GALNT6: variants seen among roughly 807,000 people sequenced by gnomAD.
The protein encoded by GALNT6 is polypeptide N-acetylgalactosaminyltransferase 6.
In GALNT6, 51 loss-of-function variants were observed where a neutral mutation model predicts 65.9. The ratio of observed to expected loss-of-function variants is 0.77; its 90% CI spans 0.62 to 0.98. The LOEUF is 0.98. Among genes scored for constraint, GALNT6 ranks in the 50% least tolerant of loss-of-function variants. The probability of loss-of-function intolerance (pLI) is 0.00; values close to 1 mark genes in which losing one functional copy is unlikely to be tolerated. For synonymous variants in GALNT6, 323 were observed against 315.1 expected, an observed-to-expected ratio of 1.02 and a Z score of -0.26; for missense variants, 708 against 803.3, an observed-to-expected ratio of 0.88 and a Z score of 1.43.
intron 6 of GALNT6, among the ~76,000 whole-genome samples, 186 bp downstream of exon 6, chr12:51,363,935 C>T (rs1311610089): frequency 2.0e-5 from 3 of 152,186 alleles, no homozygotes; most frequent in Non-Finnish European, 4.4e-5. Context: ...GATCTTAGGT[C>T]AGTGTTTATC....
chr12:51,368,702 C>T (rs553745372), intron 4 of GALNT6, among the ~76,000 whole-genome samples: 4 of 151,262 alleles, frequency 2.6e-5, no homozygotes, highest in South Asian at 2.1e-4. Flanking sequence ...CACTACGCCC[C>T]GCCCACTTTT....
chr12:51,369,391 C>T (rs1947217236), intron 4 of GALNT6, among the ~76,000 whole-genome samples: 1 of 152,180 alleles, frequency 6.6e-6, no homozygotes, highest in South Asian at 2.1e-4. Context: ...ACTGGACAGA[C>T]CCAGAACTGA....
intron 2 of GALNT6, among the ~76,000 whole-genome samples, chr12:51,390,517 G>T (rs1948033105): frequency 6.6e-6 from 1 of 152,204 alleles, no homozygotes; most frequent in Non-Finnish European, 1.5e-5. Context: ...ATCATCACAT[G>T]AATTTCCCTG....
intron 2 of GALNT6, among the ~76,000 whole-genome samples, chr12:51,390,079 G>A (rs3847854): frequency 0.27 from 41,382 of 151,640 alleles, 5,889 homozygotes; most frequent in Non-Finnish European, 0.32. Flanking sequence ...AGGAACTGGA[G>A]CTAGGGAAAT....
rs11341 is a variant in GALNT6 at position 51,352,038 on chromosome 12, T to C, written c.*2341A>G. ...AGGCTCCAGAAGGCTCTCAGGGATGTAGGCGGCCTCCCGCAGGGTTGAGTT... is the reference window on the plus strand; with the variant it reads ...AGGCTCCAGAAGGCTCTCAGGGATGCAGGCGGCCTCCCGCAGGGTTGAGTT... On this transcript the variant is annotated 3_prime_UTR_variant, in exon 12 of 12. Coordinates refer to ENST00000356317, the MANE Select transcript of GALNT6 (RefSeq NM_007210.4). 116,915 of 152,240 alleles carry C rather than the reference T, an allele frequency of 0.77. 46,522 individuals are homozygous for C. The highest frequency in any genetic ancestry group is 0.89 in the Middle Eastern group (262 of 294). 9.4% of individuals were successfully genotyped at this position (152,240 alleles called of 1,614,324 possible).
intron 6 of GALNT6, among the ~76,000 whole-genome samples, chr12:51,361,706 C>G (rs752825139): frequency 1.4e-4 from 21 of 152,026 alleles, no homozygotes; most frequent in Non-Finnish European, 2.5e-4. Flanking sequence ...GAAGCGGACC[C>G]GGGGAAGTAT....
intron 3 of GALNT6, among the ~76,000 whole-genome samples, chr12:51,378,878 G>GC (rs751422463): frequency 2.6e-4 from 31 of 119,450 alleles, no homozygotes; most frequent in African/African-American, 7.2e-4. Context: ...GTTAAGAAAT[G>GC]CCCACCCCCC....
intron 2 of GALNT6, among the ~76,000 whole-genome samples, chr12:51,385,234 C>T (rs957181675): frequency 1.3e-5 from 2 of 152,198 alleles, no homozygotes; most frequent in African/African-American, 4.8e-5. Context: ...AGCAATCCTC[C>T]TGCCTTGACC....
rs1424257362 is a variant in GALNT6 at position 51,365,657 on chromosome 12, C to T, written c.665-78G>A. The T allele has an allele frequency of 1.4e-5, 20 of 1,430,534 alleles. No homozygotes were observed. The Admixed American group carries it at 3.1e-4, about 22-fold the overall frequency. The allele number at this position is 1,430,534 out of a possible 1,614,324, so 88.6% of individuals were successfully genotyped here. On this transcript the variant is annotated intron_variant, in intron 4 of 11. Transcript: ENST00000356317. ...TCCCCTGTGGGCACCAAGCTAGGGG[C>T]TCTCAGGCCTCTAGCAGGCCTGAAT...
chr12:51,366,349 C>T (rs1379082357), intron 4 of GALNT6, among the ~76,000 whole-genome samples: 3 of 152,230 alleles, frequency 2.0e-5, no homozygotes, highest in African/African-American at 7.2e-5. Context: ...GATTCCCTGT[C>T]TCCCAGGCTC....
At chr12:51,385,081 T>C (rs1947788976) in intron 2 of GALNT6, among the ~76,000 whole-genome samples, 1 of 152,064 alleles carries the variant, frequency 6.6e-6, no homozygotes, top group Non-Finnish European at 1.5e-5. Flanking sequence ...CTTGACCTCC[T>C]GGGCTCAAAG....
At chr12:51,367,448 A>G (rs4761897) in intron 4 of GALNT6, among the ~76,000 whole-genome samples, 128,303 of 151,854 alleles carry the variant, frequency 0.84, 54,351 homozygotes, top group South Asian at 0.91. Context: ...CAAAAAACAA[A>G]CGAAGAATAG....
At chr12:51,382,872 G>A (rs149307752) in intron 2 of GALNT6, among the ~76,000 whole-genome samples, 14 of 152,214 alleles carry the variant, frequency 9.2e-5, no homozygotes, top group African/African-American at 3.1e-4. Context: ...AGTTTACCCC[G>A]TCTGGTACAC....
rs1947491074 is a variant in GALNT6 at position 51,377,320 on chromosome 12, C to T, written c.539G>A (p.Ser180Asn). 1 of 1,613,104 alleles carries T rather than the reference C, an allele frequency of 6.2e-7. No homozygotes were observed. The highest frequency in any genetic ancestry group is 1.3e-5 in the African/African-American group (1 of 75,022). ...TTCGTTGTGGAACACAATGATCACGCTGGTGGTGGCCAGTGGGGGGCAGCG... is the reference window on the plus strand; with the variant it reads ...TTCGTTGTGGAACACAATGATCACGTTGGTGGTGGCCAGTGGGGGGCAGCG... ...FRRCPPLATTSVIIVFHNEAW... is the reference protein window; with the variant it reads ...FRRCPPLATTNVIIVFHNEAW... The change falls in exon 4 of 12, where the codon AGC (serine) becomes AAC (asparagine). Residue 180 changes from serine (S) to asparagine (N), a missense_variant. By Grantham distance (46) the Ser-to-Asn change is conservative. Coordinates refer to ENST00000356317, the MANE Select transcript of GALNT6 (RefSeq NM_007210.4).
rs1371648051 is a variant in GALNT6 at position 51,379,811 on chromosome 12, G to A, written c.-30C>T. 17 of 1,576,832 alleles carry A rather than the reference G, an allele frequency of 1.1e-5. No individual in the cohort carries two copies. The highest frequency in any genetic ancestry group is 3.5e-5 in the Admixed American group (2 of 57,066). ...CAGAACCAAGGGGCACCCCAGCTGC[G>A]TCAGCTCTGAGTCCTGAGCCCAACC... On this transcript the variant is annotated 5_prime_UTR_variant, in exon 3 of 12. It adds an upstream start codon to the 5' untranslated region. Coordinates refer to ENST00000356317, the MANE Select transcript of GALNT6 (RefSeq NM_007210.4).
Position 51,354,130 on chromosome 12 carries a change from G to A in GALNT6, c.*249C>T, listed in dbSNP as rs12582216. Reference sequence around the variant, plus strand: ...CCCCCAGCTGCCTTCCCTACTTTGGGAGCCTCTATTTCTAGAACAGGAAAA... The same window carrying A: ...CCCCCAGCTGCCTTCCCTACTTTGGAAGCCTCTATTTCTAGAACAGGAAAA... On this transcript the variant is annotated 3_prime_UTR_variant, in exon 12 of 12. Transcript: ENST00000356317. The A allele has an allele frequency of 0.019, 7,423 of 391,810 alleles. 279 individuals are homozygous for A. The highest frequency in any genetic ancestry group is 0.13 in the East Asian group (2,758 of 20,938). The allele number at this position is 391,810 out of a possible 1,614,324, so 24.3% of individuals were successfully genotyped here.
At chr12:51,361,335 G>A (rs902355090) in intron 6 of GALNT6, among the ~76,000 whole-genome samples, 6 of 152,248 alleles carry the variant, frequency 3.9e-5, no homozygotes, top group African/African-American at 1.4e-4. Flanking sequence ...TGTCAGCTGG[G>A]CTGACTCCAT....
chr12:51,373,958 C>T (rs761261949), intron 4 of GALNT6, among the ~76,000 whole-genome samples: 10 of 152,222 alleles, frequency 6.6e-5, no homozygotes, highest in Non-Finnish European at 1.3e-4. Flanking sequence ...CTGCTGGGCT[C>T]AAGCAATCCT....
intron 6 of GALNT6, among the ~76,000 whole-genome samples, chr12:51,362,387 G>A (rs1315455599): frequency 6.6e-6 from 1 of 152,202 alleles, no homozygotes; most frequent in African/African-American, 2.4e-5. Context: ...GGCTCTGGTT[G>A]GCTTGAGATG....
Sources: gnomAD v4.1 joint callset for allele counts (sites outside exome capture counted in the v4.1 genomes callset) on GRCh38, gnomAD v4.1.1 for gene constraint, MANE v1.5 for transcripts, NCBI Gene and HGNC (gene_info 2026-07-23, HGNC 2026-07-21) for gene names.